Variants in RALGAPA1 observed in about 807,000 individuals in gnomAD.
RALGAPA1 encodes ral GTPase-activating protein subunit alpha-1.
RALGAPA1 carries 52 observed loss-of-function variants against 269.6 expected under a neutral mutation model. The ratio of observed to expected loss-of-function variants is 0.19; its 90% CI spans 0.15 to 0.24. RALGAPA1 has a LOEUF of 0.24. Among genes scored for constraint, RALGAPA1 ranks in the 10% least tolerant of loss-of-function variants. RALGAPA1 has a pLI of 1.00. For synonymous variants in RALGAPA1, 817 were observed against 1,008.3 expected (o/e 0.81, Z 3.60); for missense variants, 1,917 against 3,013.9 (o/e 0.64, Z 8.52).
chr14:35,638,873 C>T (rs1401485233), intron 31 of RALGAPA1, among the ~76,000 whole-genome samples: 1 of 152,104 alleles, frequency 6.6e-6, no homozygotes, highest in South Asian at 2.1e-4. Context: ...TTGCAGTGAG[C>T]TGAGATTGCG....
At chr14:35,698,860 A>G (rs950841610) in intron 17 of RALGAPA1, among the ~76,000 whole-genome samples, 6 of 152,206 alleles carry the variant, frequency 3.9e-5, no homozygotes, top group African/African-American at 1.4e-4. Context: ...TAAATGGTGC[A>G]CTAAAGAGAC....
At chr14:35,785,137 A>G (rs941036376) in intron 1 of RALGAPA1, among the ~76,000 whole-genome samples, 1 of 152,248 alleles carries the variant, frequency 6.6e-6, no homozygotes, top group Non-Finnish European at 1.5e-5. Flanking sequence ...CAAAGACATT[A>G]TTTTGGATAC....
chr14:35,542,406 C>G (rs1441374245), intron 41 of RALGAPA1: 1 of 156,936 alleles, frequency 6.4e-6, no homozygotes, highest in African/African-American at 2.4e-5. Context: ...TAATATTTTC[C>G]TCAAAAACAA....
At chr14:35,577,278 C>G (rs935306464) in intron 37 of RALGAPA1, among the ~76,000 whole-genome samples, 17 of 151,898 alleles carry the variant, frequency 1.1e-4, no homozygotes, top group African/African-American at 3.9e-4. Context: ...CCATCCACCC[C>G]CCAAATTCAT....
chr14:35,803,918 C>G (rs1289341970), intron 1 of RALGAPA1, among the ~76,000 whole-genome samples: 1 of 151,846 alleles, frequency 6.6e-6, no homozygotes, highest in Non-Finnish European at 1.5e-5. Context: ...GCCACTGCAC[C>G]TGGCCTAAAG....
chr14:35,678,268 A>G (rs1028844645), intron 21 of RALGAPA1, among the ~76,000 whole-genome samples, 166 bp from the exon 22 acceptor site: 3 of 152,214 alleles, frequency 2.0e-5, no homozygotes, highest in African/African-American at 7.2e-5. Flanking sequence ...AAGCTTTTAT[A>G]TCTAGGAGTC....
chr14:35,556,486 T>C (rs2055619168), intron 39 of RALGAPA1, among the ~76,000 whole-genome samples: 1 of 152,146 alleles, frequency 6.6e-6, no homozygotes, highest in Non-Finnish European at 1.5e-5. Flanking sequence ...CCTAAACAAA[T>C]TGCATGAATC....
chr14:35,763,184 C>T (rs1029111786), intron 4 of RALGAPA1, among the ~76,000 whole-genome samples: 2 of 147,186 alleles, frequency 1.4e-5, no homozygotes, highest in Non-Finnish European at 2.9e-5. Context: ...TTTGAAAAGT[C>T]ATTAATATTT....
chr14:35,732,868 T>C (rs962992791), intron 12 of RALGAPA1, among the ~76,000 whole-genome samples: 1 of 152,086 alleles, frequency 6.6e-6, no homozygotes, highest in Non-Finnish European at 1.5e-5. Flanking sequence ...AAAGAAACAA[T>C]GGATTTAAAC....
chr14:35,677,449 T>C (rs1164195014), intron 22 of RALGAPA1: 1 of 153,578 alleles, frequency 6.5e-6, no homozygotes, highest in African/African-American at 2.4e-5. Context: ...CCCAAGTCAC[T>C]TTTTAACATT....
At chr14:35,657,204 T>C (rs186758621) in intron 28 of RALGAPA1, among the ~76,000 whole-genome samples, 28 of 151,594 alleles carry the variant, frequency 1.8e-4, no homozygotes, top group African/African-American at 6.5e-4. Flanking sequence ...TTTTTTTTTT[T>C]GAGACAGAGT....
At chr14:35,664,089 T>C (rs1171708416) in intron 27 of RALGAPA1, among the ~76,000 whole-genome samples, 1 of 152,134 alleles carries the variant, frequency 6.6e-6, no homozygotes, top group Non-Finnish European at 1.5e-5. Flanking sequence ...CTGGACACAA[T>C]TGTCTTTTTT....
intron 17 of RALGAPA1, among the ~76,000 whole-genome samples, chr14:35,690,374 C>G (rs1213119960): frequency 6.6e-6 from 1 of 152,108 alleles, no homozygotes; most frequent in Non-Finnish European, 1.5e-5. Flanking sequence ...AAAAATACAC[C>G]TTAACACAGA....
intron 1 of RALGAPA1, among the ~76,000 whole-genome samples, chr14:35,786,246 T>C (rs1011422325): frequency 6.6e-6 from 1 of 152,032 alleles, no homozygotes; most frequent in Non-Finnish European, 1.5e-5. Context: ...AGGTAAGAAA[T>C]ATGTTCCTGT....
At chr14:35,626,995 T>A in intron 34 of RALGAPA1, 95 bp downstream of exon 34, 3 of 1,262,342 alleles carry the variant, frequency 2.4e-6, no homozygotes, top group South Asian at 4.5e-5. Flanking sequence ...TAGATAAAAT[T>A]TAGTGAGGAA....
chr14:35,604,581 T>C (rs1176555273), intron 36 of RALGAPA1, among the ~76,000 whole-genome samples: 1 of 152,002 alleles, frequency 6.6e-6, no homozygotes, highest in Non-Finnish European at 1.5e-5. Context: ...TAGAAGCTTA[T>C]AGTCTAATGC....
rs185638616 is a variant in RALGAPA1 at position 35,789,575 on chromosome 14, G to A, written c.107-13830C>T. 4.6e-5 allele frequency among the ~76,000 whole-genome samples: 7 copies of A among 151,860 alleles called. No homozygotes were observed. The East Asian group carries it at 1.2e-3, about 25-fold the overall frequency. ...CCACTGCACTGCAGCCTGGGTGACA[G>A]AGCAAGACCCTGTCTCAAAAAAAAA... On this transcript the variant is annotated intron_variant, in intron 1 of 41. Transcript: ENST00000680220.
At chr14:35,785,348 C>T (rs1198139193) in intron 1 of RALGAPA1, among the ~76,000 whole-genome samples, 1 of 152,158 alleles carries the variant, frequency 6.6e-6, no homozygotes, top group Non-Finnish European at 1.5e-5. Context: ...GATCTGATCT[C>T]TATCTGATCT....
rs367622435 is a variant in RALGAPA1 at position 35,759,389 on chromosome 14, A to T, written c.547+1440T>A. Among the ~76,000 whole-genome samples, 13 of 152,270 alleles carry T rather than the reference A, an allele frequency of 8.5e-5. No individual in the cohort carries two copies. In the East Asian group the frequency reaches 2.1e-3, roughly 25 times the overall value. Reference sequence around the variant, plus strand: ...CCCCAGTGTGGTTGCACTTGGAGAGAGGGCCTTTAAGGAGGTAAAGTTACA... The same window carrying T: ...CCCCAGTGTGGTTGCACTTGGAGAGTGGGCCTTTAAGGAGGTAAAGTTACA... On this transcript the variant is annotated intron_variant, in intron 6 of 41. Transcript: ENST00000680220.
Sources: gnomAD v4.1 joint callset for allele counts (sites outside exome capture counted in the v4.1 genomes callset) on GRCh38, gnomAD v4.1.1 for gene constraint, MANE v1.5 for transcripts, NCBI Gene and HGNC (gene_info 2026-07-23, HGNC 2026-07-21) for gene names.